The following RACGAP1 variants were observed in gnomAD, a reference collection of about 807,000 sequenced individuals.
RACGAP1 encodes the protein Rac GTPase activating protein 1, also known as rac GTPase-activating protein 1.
Under a neutral mutation model 78.1 loss-of-function variants are expected in RACGAP1, and 30 were observed. The ratio of observed to expected loss-of-function variants is 0.38; its 90% CI spans 0.29 to 0.52. The LOEUF (loss-of-function observed/expected upper bound fraction) is 0.52, where lower values mean the gene tolerates loss of function less well. Ranked by LOEUF, RACGAP1 falls within the 20% of genes least tolerant of loss-of-function variation. The pLI is 0.82. For synonymous variants in RACGAP1, 231 were observed against 264.8 expected (o/e 0.87, Z 1.24); for missense variants, 587 against 777.1 (o/e 0.76, Z 2.91).
At chr12:49,993,615 C>T (rs1004428631) in intron 12 of RACGAP1, among the ~76,000 whole-genome samples, 30 of 143,938 alleles carry the variant, frequency 2.1e-4, no homozygotes, top group African/African-American at 8.1e-4. Context: ...GGTATAACAC[C>T]GTTAACGCCT....
intron 4 of RACGAP1, among the ~76,000 whole-genome samples, 196 bp downstream of exon 4, chr12:50,005,060 G>T (rs1948891383): frequency 6.6e-6 from 1 of 152,216 alleles, no homozygotes; most frequent in South Asian, 2.1e-4. Context: ...CCTTAGGAAA[G>T]ATTTAAAAAT....
intron 9 of RACGAP1, among the ~76,000 whole-genome samples, chr12:49,998,608 AC>A (rs952314216): frequency 1.3e-5 from 2 of 151,984 alleles, no homozygotes; most frequent in African/African-American, 4.8e-5. Flanking sequence ...ACTAAAAAGT[AC>A]TAACAATGGG....
At chr12:50,018,565 C>G in intron 1 of RACGAP1, 1 of 1,288,740 alleles carries the variant, frequency 7.8e-7, no homozygotes, top group South Asian at 1.2e-5. Flanking sequence ...GTAGTCAATT[C>G]AAATGTTGAT....
At chr12:50,033,408 G>A (rs151123639), upstream of RACGAP1, among the ~76,000 whole-genome samples, 2,602 of 152,226 alleles carry the variant, frequency 0.017, 27 homozygotes, top group Middle Eastern at 0.065. Flanking sequence ...AGACCTCTGA[G>A]CTGAGCTTTG....
In RACGAP1 at chr12:49,992,135, T is replaced by TA. The variant is rs1473939825; in HGVS notation, c.1579-3dup. ...CAAGGAAAGCAGGCGCTCAACCACC[T>TA]AAAAGCCAGCAAATCTGTTAGCAAA... On this transcript the variant is annotated splice_polypyrimidine_tract_variant and splice_region_variant and intron_variant, in intron 14 of 16. Coordinates refer to ENST00000312377, the MANE Select transcript of RACGAP1 (RefSeq NM_001319999.2). 1.9e-6 allele frequency: 3 copies of TA among 1,613,220 alleles called. No homozygotes were observed. The highest frequency in any genetic ancestry group is 2.5e-6 in the Non-Finnish European group (3 of 1,179,798).
At chr12:50,025,278 C>G in intron 1 of RACGAP1, 120 bp downstream of exon 1, 1 of 983,754 alleles carries the variant, frequency 1.0e-6, no homozygotes, top group Non-Finnish European at 1.2e-6. Context: ...TGGCTGCCAG[C>G]CTGTCCCGCT....
rs1483692958 is a variant in RACGAP1 at position 50,021,139 on chromosome 12, TC to T, written c.-5+4258del. On this transcript the variant is annotated intron_variant, in intron 1 of 16. Coordinates refer to ENST00000312377, the MANE Select transcript of RACGAP1 (RefSeq NM_001319999.2). ...TCACCCTCATGAATACTTGTTTATT[TC>T]CCCCCATGTATTATTTAGTCCATAG... The T allele has an allele frequency of 6.1e-6, 6 of 980,484 alleles. No individual in the cohort carries two copies. In the African/African-American group the frequency reaches 9.1e-5, roughly 15 times the overall value. The allele number at this position is 980,484 out of a possible 1,614,324, so 60.7% of individuals were successfully genotyped here. A position where few individuals can be genotyped will look rare whatever the true frequency, so the allele number is the denominator to read the frequency against.
At position 49,996,567 on chromosome 12, in the gene RACGAP1, G is replaced by A. The variant is rs538824833; in HGVS notation, c.1044+473C>T. 2.2e-4 allele frequency among the ~76,000 whole-genome samples: 32 copies of A among 144,216 alleles called. 1 individual carries two copies. Among genetic ancestry groups the A allele is most frequent in the Non-Finnish European group, 4.6e-4 (31 of 67,146 alleles). The allele number at this position is 144,216 out of a possible 152,430, so 94.6% of individuals were successfully genotyped here. ...AGGCAAGAAAATCGCTTGAGCCCAG[G>A]GGGGCGGAGGTTGCAGTGAGCTGAC... is the stretch of plus-strand genomic sequence containing the variant. On this transcript the variant is annotated intron_variant, in intron 10 of 16. Coordinates refer to ENST00000312377, the MANE Select transcript of RACGAP1 (RefSeq NM_001319999.2).
At chr12:49,999,379 A>G in intron 8 of RACGAP1, 108 bp from the exon 9 acceptor site, 3 of 1,377,374 alleles carry the variant, frequency 2.2e-6, no homozygotes, top group Non-Finnish European at 3.0e-6. Flanking sequence ...ATCATAGCCA[A>G]AAGTGAGAAC....
In RACGAP1 at chr12:50,016,707, A is replaced by G. The variant is rs1949702574; in HGVS notation, c.9T>C (p.Thr3=). 1.2e-6 allele frequency: 2 copies of G among 1,613,624 alleles called. No individual in the cohort carries two copies. The highest frequency in any genetic ancestry group is 8.5e-7 in the Non-Finnish European group (1 of 1,180,004). ...ACAGATTCCGCACATTCAGCATCAT[A>G]GTATCCATCTTTCTGCCAAGAAATC... MD[T]MMLNVRNLFE... is the part of the protein sequence containing the mutation. Residue 3 remains threonine (T), a synonymous_variant, in exon 2 of 17, where the codon ACT becomes ACC. Transcript: ENST00000312377.
intron 1 of RACGAP1, among the ~76,000 whole-genome samples, chr12:50,023,687 C>T (rs12311382): frequency 0.031 from 4,675 of 151,868 alleles, 239 homozygotes; most frequent in African/African-American, 0.11. Flanking sequence ...GAGCCAAGAT[C>T]GCACCACTGC....
intron 1 of RACGAP1, among the ~76,000 whole-genome samples, chr12:50,032,499 C>T (rs914481825): frequency 7.9e-5 from 12 of 151,700 alleles, no homozygotes; most frequent in African/African-American, 1.9e-4. Context: ...TTCCCTGCTG[C>T]ACCCGCCCCA....
intron 15 of RACGAP1, among the ~76,000 whole-genome samples, chr12:49,991,730 G>A (rs994388756): frequency 4.6e-5 from 7 of 150,958 alleles, no homozygotes; most frequent in Admixed American, 1.3e-4. Context: ...CTTGTGATCC[G>A]TCCGCCTCAG....
intron 10 of RACGAP1, among the ~76,000 whole-genome samples, chr12:49,995,243 G>T (rs1215242432): frequency 1.3e-5 from 2 of 152,156 alleles, no homozygotes; most frequent in African/African-American, 4.8e-5. Flanking sequence ...AGCTATGAGG[G>T]AGGCTGAGGC....
intron 3 of RACGAP1, 114 bp downstream of exon 3, chr12:50,006,320 T>C: frequency 8.7e-7 from 1 of 1,143,864 alleles, no homozygotes; most frequent in Non-Finnish European, 1.3e-6. Flanking sequence ...ACAGGTCACT[T>C]TCAGTTCTTT....
At chr12:50,009,552 C>A (rs2944444) in intron 2 of RACGAP1, among the ~76,000 whole-genome samples, 2 of 152,006 alleles carry the variant, frequency 1.3e-5, no homozygotes, top group African/African-American at 4.8e-5. Context: ...TTCTTAAAGA[C>A]AAAGACCCTA....
In RACGAP1 at chr12:49,992,556, A is replaced by G. The variant is rs1442082414; in HGVS notation, c.1439T>C (p.Leu480Ser). Residue 480 changes from leucine (L) to serine (S), a missense_variant, in exon 13 of 17, where the codon TTG becomes TCG. Coordinates refer to ENST00000312377, the MANE Select transcript of RACGAP1 (RefSeq NM_001319999.2). ...RDTLAFLMIH[L>S]QRVAQSPHTK... ...AAGTTTCTGCTGTACTCACCTCTGC[A>G]AGTGAATCATGAGGAAAGCTAATGT... The G allele has an allele frequency of 6.2e-7, 1 of 1,613,652 alleles. No individual in the cohort carries two copies.
intron 1 of RACGAP1, 29 bp from the exon 2 acceptor site, chr12:50,016,748 G>T (rs774327608): frequency 1.9e-6 from 3 of 1,604,414 alleles, no homozygotes; most frequent in Non-Finnish European, 2.6e-6. Context: ...TACATTAGGG[G>T]TCCTGCCTTC....
intron 4 of RACGAP1, 31 bp from the exon 5 acceptor site, chr12:50,004,335 A>C: frequency 6.4e-7 from 1 of 1,565,434 alleles, no homozygotes; most frequent in Non-Finnish European, 8.7e-7. Context: ...AACGTTAGAC[A>C]TGGTAGACTG....
Sources: gnomAD v4.1 joint callset for allele counts (sites outside exome capture counted in the v4.1 genomes callset) on GRCh38, gnomAD v4.1.1 for gene constraint, MANE v1.5 for transcripts, NCBI Gene and HGNC (gene_info 2026-07-23, HGNC 2026-07-21) for gene names.